RB1CC1: variants seen among roughly 807,000 people sequenced by gnomAD.
RB1CC1 encodes the protein RB1-inducible coiled-coil protein 1.
A neutral mutation model predicts 177.5 loss-of-function variants in RB1CC1; 46 were observed. The observed-to-expected ratio is 0.26, with a 90% CI of 0.20 to 0.33. RB1CC1 has a LOEUF of 0.33. Among genes scored for constraint, RB1CC1 ranks in the 10% least tolerant of loss-of-function variants. RB1CC1 has a pLI of 1.00. For synonymous variants in RB1CC1, 666 were observed against 613.6 expected (o/e 1.09, Z -1.26); for missense variants, 1,703 against 1,816.3 (o/e 0.94, Z 1.13).
At position 52,699,462 on chromosome 8, in the gene RB1CC1, A is replaced by G. The variant is rs573346298; in HGVS notation, c.-166-12495T>C. 1.2e-3 allele frequency among the ~76,000 whole-genome samples: 181 copies of G among 152,198 alleles called. 1 individual carries two copies. The highest frequency in any genetic ancestry group is 4.1e-3 in the African/African-American group (170 of 41,530). ...ACTGAATCAAAATGATGGGTACATC[A>G]TAGCTCATTCTTCTATTGCCTATCT... On this transcript the variant is annotated intron_variant, in intron 1 of 23. Transcript: ENST00000025008.
Position 52,623,548 on chromosome 8 carries a change from T to C in RB1CC1, c.*234A>G, listed in dbSNP as rs1848185021. On this transcript the variant is annotated 3_prime_UTR_variant, in exon 24 of 24. Coordinates refer to ENST00000025008, the MANE Select transcript of RB1CC1 (RefSeq NM_014781.5). ...TTTGGTCCGCATTTCTAGAGTTGTC[T>C]GGGTAAAAAAAAAAACCAAAAAACA... The C allele has an allele frequency of 2.0e-6, 1 of 505,690 alleles. No individual in the cohort carries two copies. The highest frequency in any genetic ancestry group is 2.9e-5 in the Admixed American group (1 of 34,816). The allele number at this position is 505,690 out of a possible 1,614,324, so 31.3% of individuals were successfully genotyped here.
intron 5 of RB1CC1, among the ~76,000 whole-genome samples, chr8:52,680,136 T>C (rs1319878276): frequency 2.0e-5 from 3 of 152,076 alleles, no homozygotes; most frequent in Non-Finnish European, 4.4e-5. Context: ...TACCCTAATT[T>C]AGTGTAGAAA....
intron 16 of RB1CC1, 166 bp from the exon 17 acceptor site, chr8:52,642,978 A>T: frequency 1.3e-6 from 1 of 760,330 alleles, no homozygotes; most frequent in Non-Finnish European, 1.8e-6. Flanking sequence ...ACTGTGGCAA[A>T]GGTTCTACTT....
intron 1 of RB1CC1, among the ~76,000 whole-genome samples, chr8:52,691,204 T>C (rs771598262): frequency 6.6e-6 from 1 of 152,210 alleles, no homozygotes; most frequent in Non-Finnish European, 1.5e-5. Context: ...AGCCAATATA[T>C]TGCTTTCAAT....
intron 22 of RB1CC1, among the ~76,000 whole-genome samples, chr8:52,627,219 C>A (rs191547315): frequency 6.6e-6 from 1 of 151,634 alleles, no homozygotes; most frequent in Non-Finnish European, 1.5e-5. Context: ...TGGTGGCACA[C>A]GCCTGTAATT....
intron 8 of RB1CC1, among the ~76,000 whole-genome samples, chr8:52,665,409 T>C (rs1563405385): frequency 6.6e-6 from 1 of 152,164 alleles, no homozygotes; most frequent in African/African-American, 2.4e-5. Flanking sequence ...AATTAATATT[T>C]AAAATGAACA....
intron 1 of RB1CC1, among the ~76,000 whole-genome samples, chr8:52,697,019 A>G (rs1418015681): frequency 6.6e-6 from 1 of 152,026 alleles, no homozygotes; most frequent in Non-Finnish European, 1.5e-5. Flanking sequence ...AAACAAAACA[A>G]AACAAAAAAG....
At chr8:52,631,565 T>C (rs1168370900) in intron 20 of RB1CC1, among the ~76,000 whole-genome samples, 1 of 152,224 alleles carries the variant, frequency 6.6e-6, no homozygotes, top group Non-Finnish European at 1.5e-5. Context: ...TATACATCTC[T>C]GGAATGTATG....
At chr8:52,648,188 A>AT (rs1317467977) in intron 15 of RB1CC1, among the ~76,000 whole-genome samples, 12 of 151,726 alleles carry the variant, frequency 7.9e-5, no homozygotes, top group African/African-American at 2.9e-4. Flanking sequence ...AGCATAGGGT[A>AT]TCTCATTTAC....
intron 1 of RB1CC1, among the ~76,000 whole-genome samples, chr8:52,698,603 C>T (rs569089358): frequency 1.4e-5 from 2 of 147,340 alleles, no homozygotes; most frequent in Non-Finnish European, 3.0e-5. Context: ...TGAGCCACTG[C>T]GCCTGGCCAG....
At chr8:52,654,062 G>C (rs943131096) in intron 15 of RB1CC1, among the ~76,000 whole-genome samples, 1 of 152,192 alleles carries the variant, frequency 6.6e-6, no homozygotes, top group African/African-American at 2.4e-5. Context: ...TCAACATTAA[G>C]TATGTGTCCT....
intron 1 of RB1CC1, among the ~76,000 whole-genome samples, chr8:52,693,916 G>A (rs993148636): frequency 2.0e-5 from 3 of 152,090 alleles, no homozygotes; most frequent in Admixed American, 1.3e-4. Context: ...CATATATCCC[G>A]CACATGTACC....
In RB1CC1 at chr8:52,673,908, A is replaced by G. The variant is rs750776680; in HGVS notation, c.939T>C (p.Asn313=). ...CCACATCATTAGGTCTATCTTGAACATTTATCCAGTCTAACAAAGAGACAT... is the reference window on the plus strand; with the variant it reads ...CCACATCATTAGGTCTATCTTGAACGTTTATCCAGTCTAACAAAGAGACAT... ...FFNVSLLDWI[N]VQDRPNDVES... The change falls in exon 7 of 24, where the codon AAT becomes AAC. Residue 313 remains asparagine (N), a synonymous_variant. Coordinates refer to ENST00000025008, the MANE Select transcript of RB1CC1 (RefSeq NM_014781.5). 1 of 1,614,146 alleles carries G rather than the reference A, an allele frequency of 6.2e-7. No individual in the cohort carries two copies. The highest frequency in any genetic ancestry group is 1.1e-5 in the South Asian group (1 of 91,084).
At chr8:52,700,353 A>G (rs975572586) in intron 1 of RB1CC1, among the ~76,000 whole-genome samples, 2 of 149,608 alleles carry the variant, frequency 1.3e-5, no homozygotes, top group Non-Finnish European at 3.0e-5. Flanking sequence ...GTGAGACTCC[A>G]TATCTACAAA....
intron 15 of RB1CC1, among the ~76,000 whole-genome samples, chr8:52,652,496 C>T (rs1400814702): frequency 6.7e-6 from 1 of 150,194 alleles, no homozygotes; most frequent in African/African-American, 2.5e-5. Flanking sequence ...TGTATGCCAC[C>T]ATGTAATGAG....
chr8:52,681,024 C>T (rs914245334), intron 5 of RB1CC1, among the ~76,000 whole-genome samples: 1 of 144,704 alleles, frequency 6.9e-6, no homozygotes, highest in African/African-American at 2.6e-5. Flanking sequence ...TGAAGTCTCA[C>T]TCTGTCACAC....
intron 18 of RB1CC1, among the ~76,000 whole-genome samples, chr8:52,641,790 G>A (rs1849608101): frequency 6.6e-6 from 1 of 152,020 alleles, no homozygotes; most frequent in East Asian, 1.9e-4. Context: ...CCTTTGGAGA[G>A]GAGCACTTTC....
chr8:52,622,665 A>T lies in RB1CC1; in HGVS notation c.*1117T>A, dbSNP rs1434282670. ...CAAACAATTCTCATCCAACTCAACT[A>T]ACTCATTTAAATAACTTTGCTCAAT... On this transcript the variant is annotated 3_prime_UTR_variant, in exon 24 of 24. Transcript: ENST00000025008. 1.3e-5 allele frequency: 2 copies of T among 152,020 alleles called. No individual in the cohort carries two copies. The highest frequency in any genetic ancestry group is 4.8e-5 in the African/African-American group (2 of 41,408). 9.4% of individuals were successfully genotyped at this position (152,020 alleles called of 1,614,324 possible).
chr8:52,639,683 C>A (rs1265877247), intron 18 of RB1CC1, among the ~76,000 whole-genome samples: 1 of 152,136 alleles, frequency 6.6e-6, no homozygotes, highest in Non-Finnish European at 1.5e-5. Flanking sequence ...TAAATGGGCA[C>A]TGCATTATAT....
Sources: gnomAD v4.1 joint callset for allele counts (sites outside exome capture counted in the v4.1 genomes callset) on GRCh38, gnomAD v4.1.1 for gene constraint, MANE v1.5 for transcripts, NCBI Gene and HGNC (gene_info 2026-07-23, HGNC 2026-07-21) for gene names.